USP34: variants seen among roughly 807,000 people sequenced by gnomAD.
The protein encoded by USP34 is ubiquitin carboxyl-terminal hydrolase 34.
USP34 carries 70 observed loss-of-function variants against 460.3 expected under a neutral mutation model. The observed-to-expected ratio is 0.15, with a 90% confidence interval of 0.13 to 0.19. USP34 has a LOEUF of 0.19. USP34 is among the 10% of genes least tolerant of loss of function. The probability of loss-of-function intolerance (pLI) is 1.00; values close to 1 mark genes in which losing one functional copy is unlikely to be tolerated. For synonymous variants in USP34, 1,647 were observed against 1,405.3 expected (o/e 1.17, Z -3.85); for missense variants, 3,985 against 4,236.2 (o/e 0.94, Z 1.65).
At chr2:61,423,893 G>A (rs987910453) in intron 1 of USP34, among the ~76,000 whole-genome samples, 10 of 152,306 alleles carry the variant, frequency 6.6e-5, no homozygotes, top group African/African-American at 2.4e-4. Context: ...GAAGTTCAAC[G>A]CTATAGTGAG....
intron 2 of USP34, among the ~76,000 whole-genome samples, chr2:61,410,724 CAG>C (rs1221873320): frequency 1.3e-5 from 2 of 151,922 alleles, no homozygotes; most frequent in Non-Finnish European, 2.9e-5. Context: ...TCTAGAAAAA[CAG>C]AAATAATGAA....
At chr2:61,277,908 G>C (rs1423232059) in intron 41 of USP34, 3 of 411,990 alleles carry the variant, frequency 7.3e-6, no homozygotes, top group South Asian at 3.7e-5. Flanking sequence ...CTTTCGCTTG[G>C]TTCTCATTCT....
intron 1 of USP34, among the ~76,000 whole-genome samples, chr2:61,432,709 GGA>G (rs1461135394): frequency 6.6e-6 from 1 of 151,982 alleles, no homozygotes; most frequent in Non-Finnish European, 1.5e-5. Flanking sequence ...CCAGTGGGTG[GGA>G]GAGAGACAAT....
At chr2:61,454,835 G>A (rs1369169650) in intron 1 of USP34, among the ~76,000 whole-genome samples, 9 of 146,494 alleles carry the variant, frequency 6.1e-5, no homozygotes, top group Non-Finnish European at 9.0e-5. Context: ...AGGCATAGCC[G>A]CCACACCCAG....
intron 39 of USP34, 34 bp from the exon 40 acceptor site, chr2:61,278,477 A>G (rs755324723): frequency 7.0e-7 from 1 of 1,438,354 alleles, no homozygotes; most frequent in African/African-American, 1.5e-5. Flanking sequence ...ATTCAAATAT[A>G]AATTTTTTAT....
At chr2:61,251,270 A>G (rs1688574265) in intron 48 of USP34, among the ~76,000 whole-genome samples, 1 of 152,224 alleles carries the variant, frequency 6.6e-6, no homozygotes, top group South Asian at 2.1e-4. Flanking sequence ...GTAGTACTGT[A>G]AAAATTATCT....
chr2:61,301,384 T>C lies in USP34; in HGVS notation c.3888A>G (p.Ala1296=), dbSNP rs1461713460. ...HELTTDYDEK[A]LHELGFKDMQ... ...TATCCTTAAAACCAAGCTCATGAAG[T>C]GCTTTTTCATCATAATCTGTTGTTA... Residue 1296 remains alanine, a synonymous_variant, in exon 28 of 80, where the codon GCA becomes GCG. Coordinates refer to ENST00000398571, the MANE Select transcript of USP34 (RefSeq NM_014709.4). 6.2e-7 allele frequency: 1 copy of C among 1,614,026 alleles called. No individual in the cohort carries two copies. The highest frequency in any genetic ancestry group is 2.2e-5 in the East Asian group (1 of 44,856).
rs537047860 is a variant in USP34 at position 61,341,982 on chromosome 2, C to T, written c.2500+1833G>A. Among the ~76,000 whole-genome samples, 23 of 151,940 alleles carry T rather than the reference C, an allele frequency of 1.5e-4. No homozygotes were observed. In the South Asian group the frequency reaches 4.2e-3, roughly 28 times the overall value. On this transcript the variant is annotated intron_variant, in intron 16 of 79. Coordinates refer to ENST00000398571, the MANE Select transcript of USP34 (RefSeq NM_014709.4). ...TTCACCATGTTGGCCAGGCTGGCCT[C>T]GAGATGCTGACCTCAGATGATCCAC...
intron 1 of USP34, among the ~76,000 whole-genome samples, chr2:61,443,466 A>G (rs1338182588): frequency 6.8e-6 from 1 of 147,836 alleles, no homozygotes; most frequent in Non-Finnish European, 1.5e-5. Flanking sequence ...ATTTTTTAAA[A>G]AGCTATCTTC....
chr2:61,337,662 T>G (rs2103747827), intron 18 of USP34, among the ~76,000 whole-genome samples: 1 of 152,284 alleles, frequency 6.6e-6, no homozygotes, highest in African/African-American at 2.4e-5. Context: ...TTTACCACAT[T>G]GCCCATGCTG....
Position 61,246,510 on chromosome 2 carries a change from TC to T in USP34, c.6395-34del, listed in dbSNP as rs1196592380. The T allele has an allele frequency of 2.8e-6, 4 of 1,436,200 alleles. No homozygotes were observed. In the African/African-American group the frequency reaches 5.7e-5, roughly 21 times the overall value. The allele number at this position is 1,436,200 out of a possible 1,614,324, so 89.0% of individuals were successfully genotyped here. A position where few individuals can be genotyped will look rare whatever the true frequency, so the allele number is the denominator to read the frequency against. On this transcript the variant is annotated intron_variant, in intron 49 of 79. Transcript: ENST00000398571. ...GATTTACACAGAATGGAAATAATTTTCCAAACTTCACAACAGTTACTTAGAA... is the reference window on the plus strand; with the variant it reads ...GATTTACACAGAATGGAAATAATTTTCAAACTTCACAACAGTTACTTAGAA...
intron 10 of USP34, among the ~76,000 whole-genome samples, chr2:61,356,477 A>G (rs2694620): frequency 0.44 from 60,387 of 136,166 alleles, 13,056 homozygotes; most frequent in South Asian, 0.7. Context: ...GTGAAAGCGC[A>G]CACACACACA....
chr2:61,458,932 G>T (rs1294624387), intron 1 of USP34, among the ~76,000 whole-genome samples: 1 of 152,130 alleles, frequency 6.6e-6, no homozygotes, highest in Non-Finnish European at 1.5e-5. Flanking sequence ...CGGGCACAGT[G>T]GTGGGCGCCT....
chr2:61,435,397 T>C lies in USP34; in HGVS notation c.44-14564A>G, dbSNP rs150783666. On this transcript the variant is annotated intron_variant, in intron 1 of 79. Coordinates refer to ENST00000398571, the MANE Select transcript of USP34 (RefSeq NM_014709.4). ...AAAGTATCTCCACCAGACTAACAGA[T>C]TTCTCAGCAGAATCCTTACAGGCAA... is the stretch of plus-strand genomic sequence containing the variant. Among the ~76,000 whole-genome samples the C allele has an allele frequency of 1.2e-4, 17 of 145,650 alleles. No homozygotes were observed. In the East Asian group the frequency reaches 2.6e-3, roughly 23 times the overall value.
In USP34 at chr2:61,239,316, A is replaced by T. The variant is rs949204096; in HGVS notation, c.6777+2244T>A. Among the ~76,000 whole-genome samples the T allele has an allele frequency of 1.0e-3, 150 of 148,660 alleles. 3 individuals carry two copies. The highest frequency in any genetic ancestry group is 8.2e-3 in the South Asian group (35 of 4,284). On this transcript the variant is annotated intron_variant, in intron 53 of 79. Coordinates refer to ENST00000398571, the MANE Select transcript of USP34 (RefSeq NM_014709.4). ...AGGGCCCTGTCACACACACACACAC[A>T]CACACACACACACACACACACACAC... is the stretch of plus-strand genomic sequence containing the variant.
chr2:61,241,999 A>T (rs1230397870), intron 51 of USP34, among the ~76,000 whole-genome samples, 180 bp from the exon 52 acceptor site: 1 of 152,166 alleles, frequency 6.6e-6, no homozygotes, highest in South Asian at 2.1e-4. Context: ...ATATATCCTA[A>T]TATCTTTTTT....
chr2:61,204,882 AT>A (rs530661932), intron 72 of USP34, among the ~76,000 whole-genome samples: 65 of 151,412 alleles, frequency 4.3e-4, no homozygotes, highest in Non-Finnish European at 6.6e-4. Flanking sequence ...ACAGTGAGGG[AT>A]TTTTTTTTGG....
rs1306207395 is a variant in USP34, at chr2:61,256,366, A to G, written c.6221+18T>C. The G allele has an allele frequency of 6.3e-7, 1 of 1,591,910 alleles. No individual in the cohort carries two copies. The highest frequency in any genetic ancestry group is 8.6e-7 in the Non-Finnish European group (1 of 1,161,678). On this transcript the variant is annotated intron_variant, in intron 48 of 79. Transcript: ENST00000398571. The stretch of plus-strand genomic sequence containing the variant: ...TTCTACGGTGAACATAATAAAAATC[A>G]CATTTGAAAAAGCATACCTTTTTTC...
At position 61,192,974 on chromosome 2, in the gene USP34, A is replaced by G; in HGVS notation, c.9515T>C (p.Leu3172Pro). The change falls in exon 76 of 80, where the codon CTA becomes CCA. Residue 3172 changes from leucine to proline, a missense_variant. Leu to Pro is a moderately conservative substitution (Grantham distance 98, BLOSUM62 -3). Around this residue, in one of 14 missense-constraint regions of USP34, gnomAD observed 506 missense variants for 439.0 expected, o/e 1.15. Coordinates refer to ENST00000398571, the MANE Select transcript of USP34 (RefSeq NM_014709.4). ...FTETLVKLSV[L>P]VAYEGLPLHL... ...AAGTGGCAAACCTTCATAGGCAACT[A>G]GGACACCTAATATTTGAAAAGAAAT... The G allele has an allele frequency of 6.2e-7, 1 of 1,613,322 alleles. No individual in the cohort carries two copies. Among genetic ancestry groups the G allele is most frequent in the South Asian group, 1.1e-5 (1 of 90,964 alleles).
Sources: gnomAD v4.1 joint callset for allele counts (sites outside exome capture counted in the v4.1 genomes callset) on GRCh38, gnomAD v4.1.1 for gene constraint, gnomAD v4.1.1 regional missense constraint, MANE v1.5 for transcripts, NCBI Gene and HGNC (gene_info 2026-07-23, HGNC 2026-07-21) for gene names.